The following ZNF521 variants were observed in gnomAD, a reference collection of about 807,000 sequenced individuals.
ZNF521 encodes LYST-interacting protein 3.
A neutral mutation model predicts 105.5 loss-of-function variants in ZNF521; 14 were observed. The ratio of observed to expected loss-of-function variants is 0.13; its 90% CI spans 0.09 to 0.21. The LOEUF (loss-of-function observed/expected upper bound fraction) is 0.21. Ranked by LOEUF, ZNF521 falls within the 10% of genes least tolerant of loss-of-function variation. The probability of loss-of-function intolerance (pLI) is 1.00; values close to 1 mark genes in which losing one functional copy is unlikely to be tolerated. For missense variants in ZNF521, 1,233 were observed against 1,629.7 expected, an observed-to-expected ratio of 0.76 and a Z score of 4.19; for synonymous variants, 635 against 606.0, an observed-to-expected ratio of 1.05 and a Z score of -0.70.
intron 5 of ZNF521, among the ~76,000 whole-genome samples, chr18:25,109,228 T>C (rs564668377): frequency 1.2e-4 from 18 of 152,286 alleles, no homozygotes; most frequent in Admixed American, 4.6e-4. Flanking sequence ...TTTTCTGAGT[T>C]AGTTCACTTA....
At chr18:25,222,879 T>G (rs1166044449) in intron 4 of ZNF521, among the ~76,000 whole-genome samples, 1 of 152,118 alleles carries the variant, frequency 6.6e-6, no homozygotes, top group Non-Finnish European at 1.5e-5. Flanking sequence ...CCCTTATTCT[T>G]AGGAGATGTC....
At position 25,133,255 on chromosome 18, in the gene ZNF521, C is replaced by T. The variant is rs115200490; in HGVS notation, c.3659-41174G>A. Among the ~76,000 whole-genome samples, 138 of 152,274 alleles carry T rather than the reference C, an allele frequency of 9.1e-4. 1 individual carries two copies. Among genetic ancestry groups the T allele is most frequent in the Middle Eastern group, 3.4e-3 (1 of 294 alleles). ...TTAACATGGCCTAATATAGATTCTA[C>T]GTGCATTTGTGGTTAAGAGTCAAAT... is the stretch of plus-strand genomic sequence containing the variant. On this transcript the variant is annotated intron_variant, in intron 5 of 7. Transcript: ENST00000361524.
At chr18:25,194,702 A>C (rs1268161898) in intron 5 of ZNF521, among the ~76,000 whole-genome samples, 16 of 151,840 alleles carry the variant, frequency 1.1e-4, no homozygotes, top group African/African-American at 3.1e-4. Flanking sequence ...AAACTATTTT[A>C]TGGCTATTTA....
In ZNF521 at chr18:25,224,325, CATT is replaced by C. The variant is rs1173350778; in HGVS notation, c.3573+17_3573+19del. On this transcript the variant is annotated intron_variant, in intron 4 of 7. Coordinates refer to ENST00000361524, the MANE Select transcript of ZNF521 (RefSeq NM_015461.3). ...TTTCTTGAGGAGGTTAAATAGCAAA[CATT>C]AAAAAAGGCGAGTTACCTCATCCGA... 1 of 1,590,558 alleles carries C rather than the reference CATT, an allele frequency of 6.3e-7. No individual in the cohort carries two copies. The highest frequency in any genetic ancestry group is 8.6e-7 in the Non-Finnish European group (1 of 1,164,288).
At chr18:25,156,588 A>G (rs1220923822) in intron 5 of ZNF521, among the ~76,000 whole-genome samples, 1 of 152,160 alleles carries the variant, frequency 6.6e-6, no homozygotes, top group East Asian at 1.9e-4. Context: ...TACATTACCT[A>G]TATATACAAT....
intron 5 of ZNF521, among the ~76,000 whole-genome samples, chr18:25,140,689 A>C (rs886404239): frequency 6.6e-6 from 1 of 152,230 alleles, no homozygotes; most frequent in African/African-American, 2.4e-5. Flanking sequence ...TTTGATAAGA[A>C]TGACAAATGA....
intron 2 of ZNF521, among the ~76,000 whole-genome samples, chr18:25,343,898 A>C (rs1914343883): frequency 6.6e-6 from 1 of 152,182 alleles, no homozygotes; most frequent in African/African-American, 2.4e-5. Flanking sequence ...TTTAATGACC[A>C]AATTATAAAC....
At chr18:25,294,106 T>C (rs1222494506) in intron 3 of ZNF521, among the ~76,000 whole-genome samples, 4 of 152,210 alleles carry the variant, frequency 2.6e-5, no homozygotes, top group Non-Finnish European at 5.9e-5. Context: ...GCATTCTCTT[T>C]CATTACTGGA....
intron 5 of ZNF521, among the ~76,000 whole-genome samples, chr18:25,095,095 G>A (rs976138883): frequency 1.3e-5 from 2 of 152,000 alleles, no homozygotes; most frequent in Non-Finnish European, 2.9e-5. Context: ...TGGGTGGGGG[G>A]GATCTGGCTG....
At chr18:25,293,475 T>C (rs1465373420) in intron 3 of ZNF521, among the ~76,000 whole-genome samples, 1 of 152,082 alleles carries the variant, frequency 6.6e-6, no homozygotes, top group Non-Finnish European at 1.5e-5. Context: ...AGGAGTACAA[T>C]ATTTAAAACT....
At chr18:25,135,590 C>G (rs1325432527) in intron 5 of ZNF521, among the ~76,000 whole-genome samples, 2 of 152,056 alleles carry the variant, frequency 1.3e-5, no homozygotes, top group Non-Finnish European at 2.9e-5. Flanking sequence ...AACTGTGTAC[C>G]CCTCTGAGGA....
At chr18:25,064,768 G>A (rs917573237) in intron 7 of ZNF521, among the ~76,000 whole-genome samples, 1 of 152,206 alleles carries the variant, frequency 6.6e-6, no homozygotes, top group African/African-American at 2.4e-5. Flanking sequence ...GGAGCCTTGT[G>A]AAGAGGACTT....
Position 25,227,677 on chromosome 18 carries a change from C to G in ZNF521, c.241G>C (p.Asp81His). 1 of 1,612,534 alleles carries G rather than the reference C, an allele frequency of 6.2e-7. No individual in the cohort carries two copies. The highest frequency in any genetic ancestry group is 8.5e-7 in the Non-Finnish European group (1 of 1,179,142). Residue 81 changes from aspartate to histidine, a missense_variant, in exon 4 of 8, where the codon GAT (aspartate) becomes CAT (histidine). Coordinates refer to ENST00000361524, the MANE Select transcript of ZNF521 (RefSeq NM_015461.3). The surrounding 1 kb of genome is among the most constrained non-coding windows in gnomAD (Gnocchi z 5.7). ...GAAGCTGGCCAAGAGCAAGTCGGATCATCTTCAACATCCACTCCATCTGCA... is the reference window on the plus strand; with the variant it reads ...GAAGCTGGCCAAGAGCAAGTCGGATGATCTTCAACATCCACTCCATCTGCA... The part of the protein sequence containing the change: ...QLTDGVDVED[D>H]PTCSWPASSP...
At chr18:25,117,606 A>G (rs2034354698) in intron 5 of ZNF521, among the ~76,000 whole-genome samples, 1 of 152,144 alleles carries the variant, frequency 6.6e-6, no homozygotes, top group Non-Finnish European at 1.5e-5. Flanking sequence ...ATCAAATGGA[A>G]ATTCTTAAAC....
At chr18:25,257,606 G>A (rs1174219265) in intron 3 of ZNF521, among the ~76,000 whole-genome samples, 1 of 152,146 alleles carries the variant, frequency 6.6e-6, no homozygotes, top group African/African-American at 2.4e-5. Context: ...GTTCTTCCCT[G>A]CCTGCCAGTG....
intron 3 of ZNF521, among the ~76,000 whole-genome samples, chr18:25,317,014 C>T (rs1182183984): frequency 6.6e-6 from 1 of 152,172 alleles, no homozygotes; most frequent in South Asian, 2.1e-4. Flanking sequence ...GCCACTATGC[C>T]CTGCTAACTT....
chr18:25,304,560 T>C (rs565344982), intron 3 of ZNF521, among the ~76,000 whole-genome samples: 2 of 152,304 alleles, frequency 1.3e-5, no homozygotes, highest in South Asian at 4.1e-4. Context: ...TTCTACTGCT[T>C]ATGAAATTAT....
At chr18:25,074,535 G>A (rs1010789391) in intron 7 of ZNF521, among the ~76,000 whole-genome samples, 8 of 151,928 alleles carry the variant, frequency 5.3e-5, no homozygotes, top group Non-Finnish European at 7.4e-5. Flanking sequence ...AAATCATCCC[G>A]GTTTATTAGC....
At chr18:25,067,935 T>C (rs1301077874) in intron 7 of ZNF521, among the ~76,000 whole-genome samples, 7 of 152,242 alleles carry the variant, frequency 4.6e-5, no homozygotes, top group Non-Finnish European at 8.8e-5. Flanking sequence ...GATTCAAAGA[T>C]GTTAATCATT....
Sources: allele counts gnomAD v4.1 joint callset (sites outside exome capture counted in the v4.1 genomes callset), GRCh38; gene constraint gnomAD v4.1.1; non-coding constraint Gnocchi (gnomAD v3.1); transcripts MANE v1.5; gene names NCBI Gene and HGNC (gene_info 2026-07-23, HGNC 2026-07-21).